EPB41: variants seen among roughly 807,000 people sequenced by gnomAD.
EPB41 encodes erythrocyte membrane protein band 4.1, also known as protein 4.1.
A neutral mutation model predicts 108.0 loss-of-function variants in EPB41; 65 were observed. The observed-to-expected ratio is 0.60, with a 90% CI of 0.49 to 0.74. The LOEUF (loss-of-function observed/expected upper bound fraction) is 0.74. EPB41 is among the 30% of genes least tolerant of loss of function. The probability of loss-of-function intolerance (pLI) is 0.00; values close to 1 mark genes in which losing one functional copy is unlikely to be tolerated. For synonymous variants in EPB41, 336 were observed against 358.9 expected (o/e 0.94, Z 0.72); for missense variants, 875 against 1,037.0 (o/e 0.84, Z 2.15).
intron 11 of EPB41, chr1:29,041,160 T>TA (rs1300600921): frequency 2.1e-5 from 3 of 145,920 alleles, no homozygotes; most frequent in South Asian, 4.3e-4. Flanking sequence ...AATAAATAAA[T>TA]AAATAAATAA....
intron 16 of EPB41, among the ~76,000 whole-genome samples, chr1:29,077,898 G>A (rs188114884): frequency 4.1e-4 from 63 of 152,234 alleles, no homozygotes; most frequent in Non-Finnish European, 7.1e-4. Context: ...ATTTTAAAAT[G>A]TAAATACCAT....
intron 1 of EPB41, among the ~76,000 whole-genome samples, chr1:28,968,871 G>A (rs1307488956): frequency 2.6e-5 from 4 of 151,434 alleles, no homozygotes; most frequent in Non-Finnish European, 4.4e-5. Flanking sequence ...AGGCTGAGAC[G>A]TGACAATCAC....
At chr1:29,006,192 TAACAC>T (rs1023422039) in intron 4 of EPB41, among the ~76,000 whole-genome samples, 6 of 152,036 alleles carry the variant, frequency 3.9e-5, no homozygotes, top group African/African-American at 1.4e-4. Flanking sequence ...TAGCTTAACA[TAACAC>T]AAGAAAGGTG....
At chr1:28,907,870 A>G (rs938082079) in intron 1 of EPB41, among the ~76,000 whole-genome samples, 1 of 151,064 alleles carries the variant, frequency 6.6e-6, no homozygotes, top group Non-Finnish European at 1.5e-5. Flanking sequence ...AGGTCTCACT[A>G]TGTTGCCTAG....
At chr1:29,021,901 A>T (rs1378921469) in intron 7 of EPB41, among the ~76,000 whole-genome samples, 7 of 152,070 alleles carry the variant, frequency 4.6e-5, no homozygotes, top group Non-Finnish European at 2.9e-5. Flanking sequence ...TCTATAAAAC[A>T]CCATGTTTTC....
At position 28,887,656 on chromosome 1, in the gene EPB41, G is replaced by A. The variant is rs916667242; in HGVS notation, c.-8+446G>A. 2.0e-6 allele frequency: 2 copies of A among 985,152 alleles called. No individual in the cohort carries two copies. Among genetic ancestry groups the A allele is most frequent in the Admixed American group, 6.2e-5 (1 of 16,258 alleles). 61.0% of individuals were successfully genotyped at this position (985,152 alleles called of 1,614,324 possible). A position where few individuals can be genotyped will look rare whatever the true frequency, so the allele number is the denominator to read the frequency against. On this transcript the variant is annotated intron_variant, in intron 1 of 16. Coordinates refer to the EPB41 transcript ENST00000347529. This position sits in a 1 kb window ranked among gnomAD's most constrained non-coding sequence, Gnocchi z 4.9. ...CGGGCTGGCGGCTAGCAGCGGGAGG[G>A]GGCTCCGGGGCCTGGAGCCCCGCGC... is the stretch of plus-strand genomic sequence containing the variant.
At chr1:28,914,089 A>T (rs1301161579), upstream of EPB41, among the ~76,000 whole-genome samples, 1 of 152,164 alleles carries the variant, frequency 6.6e-6, no homozygotes, top group Non-Finnish European at 1.5e-5. Context: ...AGGTACAGAG[A>T]AGCTGAGTGA....
In EPB41 at chr1:28,887,796, C is replaced by T. The variant is rs1424786776; in HGVS notation, c.-8+586C>T. ...GCCCCCCCGGCCGTCGCGCCAGCCC[C>T]ACACCCTCCCTGCCAGGCTTGGTCT... On this transcript the variant is annotated intron_variant, in intron 1 of 16. Transcript: ENST00000347529. The surrounding 1 kb of genome is among the most constrained non-coding windows in gnomAD (Gnocchi z 4.9). 1 of 501,232 alleles carries T rather than the reference C, an allele frequency of 2.0e-6. No homozygotes were observed. Among genetic ancestry groups the T allele is most frequent in the Non-Finnish European group, 2.6e-6 (1 of 387,066 alleles). 31.0% of individuals were successfully genotyped at this position (501,232 alleles called of 1,614,324 possible). A position where few individuals can be genotyped will look rare whatever the true frequency, so the allele number is the denominator to read the frequency against.
At chr1:28,955,275 A>G (rs1427954899) in intron 1 of EPB41, among the ~76,000 whole-genome samples, 1 of 152,146 alleles carries the variant, frequency 6.6e-6, no homozygotes, top group Non-Finnish European at 1.5e-5. Flanking sequence ...TTTGAATTAT[A>G]CTTGTAAATG....
rs1014212627 is a variant in EPB41 at position 28,988,119 on chromosome 1, C to T, written c.468+214C>T. 5.3e-5 allele frequency among the ~76,000 whole-genome samples: 8 copies of T among 152,220 alleles called. No homozygotes were observed. The South Asian group carries it at 8.3e-4, about 16-fold the overall frequency. ...CTCTACTAAAAGTACAAAAATTAGC[C>T]GGGCCTGATGGCGGGTGCCTGTAAT... On this transcript the variant is annotated intron_variant, in intron 2 of 20. Transcript: ENST00000343067.
At chr1:28,954,938 T>C (rs2094885847) in intron 1 of EPB41, among the ~76,000 whole-genome samples, 1 of 152,244 alleles carries the variant, frequency 6.6e-6, no homozygotes, top group African/African-American at 2.4e-5. Context: ...CTATTATAAA[T>C]CAGTACATCT....
At chr1:28,978,299 A>G (rs1305783808) in intron 1 of EPB41, among the ~76,000 whole-genome samples, 2 of 151,544 alleles carry the variant, frequency 1.3e-5, no homozygotes, top group East Asian at 3.8e-4. Context: ...CATAATCCCA[A>G]AAGACACAAT....
At chr1:29,002,589 G>A (rs1329379877) in intron 4 of EPB41, among the ~76,000 whole-genome samples, 2 of 152,138 alleles carry the variant, frequency 1.3e-5, no homozygotes, top group Non-Finnish European at 2.9e-5. Flanking sequence ...TATTCTACCT[G>A]TTCTTAGGTA....
In EPB41 at chr1:29,061,398, T is replaced by C. The variant is rs187974179; in HGVS notation, c.2007+914T>C. ...CATTCTGCTGCCTCAGCTTCCCAAG[T>C]AGCTGGGACTACAGGCGCCCGCCAC... On this transcript the variant is annotated intron_variant, in intron 15 of 20. Coordinates refer to ENST00000343067, the MANE Select transcript of EPB41 (RefSeq NM_001376013.1). Among the ~76,000 whole-genome samples, 3 of 152,060 alleles carry C rather than the reference T, an allele frequency of 2.0e-5. No individual in the cohort carries two copies. The East Asian group carries it at 5.8e-4, about 29-fold the overall frequency.
intron 16 of EPB41, among the ~76,000 whole-genome samples, chr1:29,079,291 C>T (rs1655409770): frequency 6.6e-6 from 1 of 152,042 alleles, no homozygotes. Flanking sequence ...GCCCCCTCGC[C>T]CCGCCAGAAA....
At chr1:29,067,799 G>A (rs887723978) in intron 16 of EPB41, among the ~76,000 whole-genome samples, 2 of 152,092 alleles carry the variant, frequency 1.3e-5, no homozygotes, top group East Asian at 1.9e-4. Flanking sequence ...CTGAGTAATG[G>A]GCAGCTAAAT....
chr1:28,916,176 C>T (rs2092654427), intron 1 of EPB41, among the ~76,000 whole-genome samples: 1 of 152,134 alleles, frequency 6.6e-6, no homozygotes. Context: ...AGTAAGCACT[C>T]AATAAATGGC....
intron 1 of EPB41, among the ~76,000 whole-genome samples, chr1:28,942,013 C>T (rs932716464): frequency 6.6e-6 from 1 of 151,898 alleles, no homozygotes; most frequent in African/African-American, 2.4e-5. Context: ...TAAAAATTAC[C>T]CGTAATCCTA....
chr1:29,024,565 G>A (rs1429155514), intron 7 of EPB41, among the ~76,000 whole-genome samples: 4 of 151,918 alleles, frequency 2.6e-5, no homozygotes, highest in South Asian at 2.1e-4. Context: ...CTGGAGGGGC[G>A]GAGGTTGCAG....
Sources: allele counts gnomAD v4.1 joint callset (sites outside exome capture counted in the v4.1 genomes callset), GRCh38; gene constraint gnomAD v4.1.1; non-coding constraint Gnocchi (gnomAD v3.1); transcripts MANE v1.5; gene names NCBI Gene and HGNC (gene_info 2026-07-23, HGNC 2026-07-21).